Variants in RBFOX1 observed in about 807,000 individuals in gnomAD.
The protein encoded by RBFOX1 is RNA binding protein fox-1 homolog 1.
In RBFOX1, 8 loss-of-function variants were observed where a neutral mutation model predicts 57.7. The ratio of observed to expected loss-of-function variants is 0.14; its 90% CI spans 0.08 to 0.25. The LOEUF is 0.25. Among genes scored for constraint, RBFOX1 ranks in the 10% least tolerant of loss-of-function variants. The pLI is 1.00. For missense variants in RBFOX1, 611 were observed against 548.5 expected, an observed-to-expected ratio of 1.11 and a Z score of -1.14; for synonymous variants, 326 against 222.4, an observed-to-expected ratio of 1.47 and a Z score of -4.15.
At chr16:7,343,286 C>T (rs1269182293) in intron 4 of RBFOX1, among the ~76,000 whole-genome samples, 1 of 152,182 alleles carries the variant, frequency 6.6e-6, no homozygotes, top group Non-Finnish European at 1.5e-5. Flanking sequence ...TGAGTCGCTT[C>T]GAAGTCCCGC....
chr16:6,231,488 C>G (rs1005687914), intron 1 of RBFOX1, among the ~76,000 whole-genome samples: 10 of 152,198 alleles, frequency 6.6e-5, no homozygotes, highest in African/African-American at 9.6e-5. Context: ...TGAGGAGCAC[C>G]AGATGGGGAG....
In RBFOX1 at chr16:7,230,054, A is replaced by AGAGAGAGGAAGGAAG. The variant is rs1567807280; in HGVS notation, c.27+177957_27+177958insAGAGAGGAAGGAAGG. 1.6e-3 allele frequency among the ~76,000 whole-genome samples: 130 copies of AGAGAGAGGAAGGAAG among 81,284 alleles called. 15 individuals carry two copies. The highest frequency in any genetic ancestry group is 6.8e-3 in the Middle Eastern group (1 of 148). The allele number at this position is 81,284 out of a possible 152,430, so 53.3% of individuals were successfully genotyped here. ...GAAGGAAGGGAGAGAGAGGAAGGAA[A>AGAGAGAGGAAGGAAG]GGAGAGAGAGGAAGGAAGGGAGGGA... On this transcript the variant is annotated intron_variant, in intron 4 of 15. Coordinates refer to ENST00000550418, the MANE Select transcript of RBFOX1 (RefSeq NM_018723.4).
At chr16:5,968,992 T>C (rs147914256) in intron 4 of RBFOX1, among the ~76,000 whole-genome samples, 47 of 152,250 alleles carry the variant, frequency 3.1e-4, no homozygotes, top group African/African-American at 1.1e-3. Context: ...TTCATATTGA[T>C]TTGCCCTTAG....
chr16:7,649,384 G>C (rs982367725), intron 11 of RBFOX1, among the ~76,000 whole-genome samples: 2 of 152,094 alleles, frequency 1.3e-5, no homozygotes, highest in Non-Finnish European at 2.9e-5. Flanking sequence ...CTAAAGTCTG[G>C]GTCTGTTTAG....
At chr16:7,619,211 C>T (rs1013227560) in intron 10 of RBFOX1, among the ~76,000 whole-genome samples, 1 of 151,966 alleles carries the variant, frequency 6.6e-6, no homozygotes, top group Non-Finnish European at 1.5e-5. Flanking sequence ...ACTGATATTT[C>T]CTCTGGAGAA....
intron 3 of RBFOX1, among the ~76,000 whole-genome samples, chr16:5,785,178 T>C (rs950511105): frequency 3.3e-5 from 5 of 152,200 alleles, no homozygotes; most frequent in African/African-American, 1.2e-4. Context: ...TCAACGGTCC[T>C]TGCTATGTGG....
intron 3 of RBFOX1, among the ~76,000 whole-genome samples, chr16:7,051,611 A>G (rs886767062): frequency 5.9e-5 from 9 of 152,186 alleles, no homozygotes; most frequent in Admixed American, 3.3e-4. Flanking sequence ...AGGCATGACA[A>G]CTGACACTAC....
intron 14 of RBFOX1, among the ~76,000 whole-genome samples, chr16:7,697,713 C>G (rs185428763): frequency 2.0e-5 from 3 of 152,176 alleles, no homozygotes; most frequent in South Asian, 2.1e-4. Flanking sequence ...CTGGGTCACA[C>G]TGCCTCCACA....
chr16:6,848,625 A>G (rs1325536424), intron 3 of RBFOX1, among the ~76,000 whole-genome samples: 3 of 152,088 alleles, frequency 2.0e-5, no homozygotes, highest in African/African-American at 7.2e-5. Flanking sequence ...ATGTGTGTAG[A>G]GAGAGATGAT....
intron 4 of RBFOX1, among the ~76,000 whole-genome samples, chr16:5,908,652 C>T (rs1438469409): frequency 1.3e-5 from 2 of 152,036 alleles, no homozygotes; most frequent in Admixed American, 6.6e-5. Flanking sequence ...TATGATCCTC[C>T]CTACTAGGGC....
chr16:5,926,433 T>G (rs1263168279), intron 4 of RBFOX1, among the ~76,000 whole-genome samples: 2 of 152,038 alleles, frequency 1.3e-5, no homozygotes, highest in African/African-American at 2.4e-5. Context: ...GGGGGTGCTT[T>G]TGGAATCTAG....
intron 1 of RBFOX1, among the ~76,000 whole-genome samples, chr16:6,086,710 G>A (rs528292320): frequency 6.6e-6 from 1 of 152,278 alleles, no homozygotes; most frequent in Non-Finnish European, 1.5e-5. Flanking sequence ...CTTCTTTTGT[G>A]TGGGATGGAA....
chr16:7,412,991 A>G (rs952961069), intron 4 of RBFOX1, among the ~76,000 whole-genome samples: 20 of 152,270 alleles, frequency 1.3e-4, no homozygotes, highest in Admixed American at 3.3e-4. Flanking sequence ...GCAGTGAGCC[A>G]AGATCACGCC....
chr16:7,534,382 A>G (rs1410163450), intron 5 of RBFOX1, among the ~76,000 whole-genome samples: 2 of 151,962 alleles, frequency 1.3e-5, no homozygotes, highest in South Asian at 2.1e-4. Flanking sequence ...CATGAACCAC[A>G]GTGCACGGCC....
chr16:7,602,914 AGAAAT>A (rs952497507), intron 9 of RBFOX1, among the ~76,000 whole-genome samples: 2 of 152,238 alleles, frequency 1.3e-5, no homozygotes, highest in African/African-American at 4.8e-5. Flanking sequence ...GAATAAAACT[AGAAAT>A]GAATAGCAAG....
At chr16:7,537,674 G>T (rs1507022) in intron 5 of RBFOX1, among the ~76,000 whole-genome samples, 143,601 of 152,198 alleles carry the variant, frequency 0.94, 68,051 homozygotes, top group Non-Finnish European at 0.98. Flanking sequence ...TCAGGAAATG[G>T]TGGCTTCTAA....
chr16:7,696,005 C>G (rs1006090311), intron 14 of RBFOX1, among the ~76,000 whole-genome samples: 1 of 152,168 alleles, frequency 6.6e-6, no homozygotes, highest in Admixed American at 6.5e-5. Context: ...AGTAGAACAG[C>G]AGCATTTCAG....
chr16:6,634,029 C>G (rs374557825), intron 2 of RBFOX1, among the ~76,000 whole-genome samples: 42 of 151,954 alleles, frequency 2.8e-4, no homozygotes, highest in African/African-American at 8.9e-4. Context: ...GAAATCCAGG[C>G]TTTGTGTAAA....
intron 2 of RBFOX1, among the ~76,000 whole-genome samples, chr16:6,619,026 C>G (rs529210043): frequency 4.5e-4 from 68 of 152,188 alleles, no homozygotes; most frequent in African/African-American, 1.5e-3. Context: ...AATCGTTTCC[C>G]AGGGGATCAG....
Sources: gnomAD v4.1 joint callset for allele counts (sites outside exome capture counted in the v4.1 genomes callset) on GRCh38, gnomAD v4.1.1 for gene constraint, MANE v1.5 for transcripts, NCBI Gene and HGNC (gene_info 2026-07-23, HGNC 2026-07-21) for gene names.